The following DYRK1A variants were observed in gnomAD, a reference collection of about 807,000 sequenced individuals.
DYRK1A encodes dual specificity tyrosine-phosphorylation-regulated kinase 1A.
A neutral mutation model predicts 79.7 loss-of-function variants in DYRK1A; 9 were observed. The observed-to-expected ratio is 0.11, with a 90% CI of 0.07 to 0.20. The LOEUF (loss-of-function observed/expected upper bound fraction) is 0.20. Among genes scored for constraint, DYRK1A ranks in the 10% least tolerant of loss-of-function variants. The pLI is 1.00. For missense variants in DYRK1A, 622 were observed against 956.0 expected (o/e 0.65, Z 4.61); for synonymous variants, 349 against 329.7 (o/e 1.06, Z -0.63).
At chr21:37,443,705 GC>G (rs2051178392) in intron 2 of DYRK1A, among the ~76,000 whole-genome samples, 1 of 152,172 alleles carries the variant, frequency 6.6e-6, no homozygotes, top group Admixed American at 6.5e-5. Flanking sequence ...GGTGTGGGAA[GC>G]TTCTGGTAGT....
intron 2 of DYRK1A, among the ~76,000 whole-genome samples, chr21:37,458,268 CTGTGTG>C (rs3138683): frequency 0.011 from 1,408 of 130,580 alleles, 20 homozygotes; most frequent in Non-Finnish European, 0.015. Flanking sequence ...GGGTAATTTA[CTGTGTG>C]TGTGTGTGTG....
intron 11 of DYRK1A, 43 bp from the exon 12 acceptor site, chr21:37,511,867 GA>G: frequency 1.3e-6 from 2 of 1,580,508 alleles, no homozygotes; most frequent in Non-Finnish European, 1.7e-6. Context: ...TTAAAGCTTG[GA>G]AACAGTCCTC....
At chr21:37,396,312 A>G (rs1042135196) in intron 1 of DYRK1A, among the ~76,000 whole-genome samples, 2 of 151,340 alleles carry the variant, frequency 1.3e-5, no homozygotes, top group Admixed American at 6.6e-5. Context: ...AAAATGAGTT[A>G]TTTTTCTGTC....
chr21:37,392,911 A>G (rs1297059754), intron 1 of DYRK1A, among the ~76,000 whole-genome samples: 1 of 152,208 alleles, frequency 6.6e-6, no homozygotes, highest in Non-Finnish European at 1.5e-5. Flanking sequence ...TCTTGAGGGG[A>G]GAAATGCTGT....
intron 2 of DYRK1A, among the ~76,000 whole-genome samples, chr21:37,428,266 A>C (rs2050682054): frequency 6.6e-6 from 1 of 152,176 alleles, no homozygotes; most frequent in South Asian, 2.1e-4. Context: ...CAAGAGCTTT[A>C]ACTTTTTGTA....
At chr21:37,474,491 T>C (rs945033269) in intron 3 of DYRK1A, among the ~76,000 whole-genome samples, 1 of 152,216 alleles carries the variant, frequency 6.6e-6, no homozygotes, top group Non-Finnish European at 1.5e-5. Flanking sequence ...GAGGATCCCT[T>C]TCCTGTAACT....
intron 2 of DYRK1A, among the ~76,000 whole-genome samples, chr21:37,428,695 A>G (rs1009038652): frequency 6.6e-6 from 1 of 152,268 alleles, no homozygotes; most frequent in Admixed American, 6.5e-5. Context: ...AGATTTGGCC[A>G]TTGTTTAAAA....
intron 9 of DYRK1A, chr21:37,501,623 C>T (rs973256309): frequency 2.6e-5 from 4 of 152,170 alleles, no homozygotes; most frequent in East Asian, 1.9e-4. Flanking sequence ...GGTCACAGAA[C>T]GTGATTTTAG....
At chr21:37,387,975 ATCAT>A (rs1469659472) in intron 1 of DYRK1A, among the ~76,000 whole-genome samples, 3 of 152,138 alleles carry the variant, frequency 2.0e-5, no homozygotes, top group Non-Finnish European at 4.4e-5. Flanking sequence ...CCTTGTACTC[ATCAT>A]TCAAATTCAA....
chr21:37,519,744 T>TGTTTTTTTTTTTTTTTTG lies in DYRK1A; in HGVS notation c.*7213_*7214insGTTTTTTTTTTTTTTTTG, dbSNP rs1555999058. 1.0e-5 allele frequency: 1 copy of TGTTTTTTTTTTTTTTTTG among 99,752 alleles called. No individual in the cohort carries two copies. The highest frequency in any genetic ancestry group is 3.8e-5 in the African/African-American group (1 of 26,010). The allele number at this position is 99,752 out of a possible 1,614,324, so 6.2% of individuals were successfully genotyped here. On this transcript the variant is annotated 3_prime_UTR_variant, in exon 12 of 12. Transcript: ENST00000647188. ...GAGGTTTGTTGTGGGAAGTTTTTTT[T>TGTTTTTTTTTTTTTTTTG]TTTTTTTTTTTTTTTGAGGCGGAGT...
At chr21:37,380,833 C>T (rs534549732) in intron 1 of DYRK1A, among the ~76,000 whole-genome samples, 1 of 152,256 alleles carries the variant, frequency 6.6e-6, no homozygotes, top group South Asian at 2.1e-4. Flanking sequence ...GATCTGGCTC[C>T]AGCTGGCTCA....
At chr21:37,452,164 C>T (rs2051474783) in intron 2 of DYRK1A, among the ~76,000 whole-genome samples, 1 of 149,982 alleles carries the variant, frequency 6.7e-6, no homozygotes, top group Admixed American at 6.6e-5. Context: ...TGGTTGTGGA[C>T]ATGAACTTTG....
intron 11 of DYRK1A, among the ~76,000 whole-genome samples, chr21:37,511,158 G>C (rs1231357532): frequency 6.6e-6 from 1 of 152,232 alleles, no homozygotes; most frequent in African/African-American, 2.4e-5. Flanking sequence ...CAGGTAGCCA[G>C]GGATAGGATG....
At chr21:37,480,910 T>G (rs2052617317) in intron 5 of DYRK1A, 84 bp downstream of exon 5, 1 of 1,128,908 alleles carries the variant, frequency 8.9e-7, no homozygotes, top group Non-Finnish European at 1.3e-6. Flanking sequence ...TCCTCAAGAG[T>G]GTACTTTTAA....
intron 3 of DYRK1A, among the ~76,000 whole-genome samples, chr21:37,477,151 C>T (rs1003050930): frequency 2.6e-5 from 4 of 151,960 alleles, no homozygotes; most frequent in Non-Finnish European, 4.4e-5. Flanking sequence ...CACATTTTTG[C>T]GAGGTCTTAG....
chr21:37,417,673 T>C (rs550316159), intron 1 of DYRK1A, among the ~76,000 whole-genome samples: 2 of 151,670 alleles, frequency 1.3e-5, no homozygotes, highest in South Asian at 4.2e-4. Context: ...ACCGTGTGTT[T>C]AACAGCCTGT....
At chr21:37,422,945 C>T (rs944453403) in intron 2 of DYRK1A, among the ~76,000 whole-genome samples, 2 of 152,034 alleles carry the variant, frequency 1.3e-5, no homozygotes, top group African/African-American at 4.8e-5. Flanking sequence ...ACAGTTAGAA[C>T]ATGAATGAAG....
chr21:37,492,794 C>T (rs1379632837), intron 7 of DYRK1A, among the ~76,000 whole-genome samples: 1 of 151,816 alleles, frequency 6.6e-6, no homozygotes, highest in African/African-American at 2.4e-5. Flanking sequence ...AATGAAAGGG[C>T]TTGAATCTTT....
chr21:37,401,323 A>G (rs759222453), intron 1 of DYRK1A, among the ~76,000 whole-genome samples: 1 of 152,186 alleles, frequency 6.6e-6, no homozygotes, highest in Non-Finnish European at 1.5e-5. Context: ...TTTCATGGTC[A>G]TGAGCCAATC....
Sources: gnomAD v4.1 joint callset for allele counts (sites outside exome capture counted in the v4.1 genomes callset) on GRCh38, gnomAD v4.1.1 for gene constraint, MANE v1.5 for transcripts, NCBI Gene and HGNC (gene_info 2026-07-23, HGNC 2026-07-21) for gene names.